Variants in RMDN3 observed in about 807,000 individuals in gnomAD.
The protein encoded by RMDN3 is regulator of microtubule dynamics 3.
In RMDN3, 41 loss-of-function variants were observed where a neutral mutation model predicts 61.8. The ratio of observed to expected loss-of-function variants is 0.66; its 90% CI spans 0.52 to 0.86. The LOEUF is 0.86. Among genes scored for constraint, RMDN3 ranks in the 40% least tolerant of loss-of-function variants. The pLI, the probability that RMDN3 is intolerant of heterozygous loss-of-function variation, is 0.00. For synonymous variants in RMDN3, 247 were observed against 232.0 expected (o/e 1.06, Z -0.59); for missense variants, 557 against 585.3 (o/e 0.95, Z 0.50).
At chr15:40,738,363 T>G (rs764399490) in intron 8 of RMDN3, 138 bp downstream of exon 8, 8 of 792,582 alleles carry the variant, frequency 1.0e-5, no homozygotes, top group South Asian at 1.7e-5. Flanking sequence ...GCTTGGGCGA[T>G]AGAGTGAGAC....
At chr15:40,737,923 G>C (rs757993967) in intron 9 of RMDN3, 42 bp downstream of exon 9, 2 of 1,599,978 alleles carry the variant, frequency 1.3e-6, no homozygotes, top group South Asian at 2.2e-5. Context: ...GGTGTCAGAA[G>C]GCATTTAGGA....
At chr15:40,754,991 C>A (rs1431828265) in intron 1 of RMDN3, 92 bp downstream of exon 1, 5 of 551,150 alleles carry the variant, frequency 9.1e-6, no homozygotes, top group Non-Finnish European at 1.6e-5. Flanking sequence ...GCCCCACTGC[C>A]TCTCTTCTCA....
chr15:40,754,968 T>A (rs1383702726), intron 1 of RMDN3, 115 bp downstream of exon 1: 7 of 582,242 alleles, frequency 1.2e-5, no homozygotes, highest in Admixed American at 6.4e-5. Context: ...TAAGGCTTCC[T>A]CCAGCCTCCT....
At chr15:40,753,539 AAAAGAAAAG>A (rs1215242598) in intron 2 of RMDN3, among the ~76,000 whole-genome samples, 107 of 152,230 alleles carry the variant, frequency 7.0e-4, no homozygotes, top group African/African-American at 2.5e-3. Context: ...AAGAAAAAAG[AAAAGAAAAG>A]AAAAAAAACA....
chr15:40,737,267 G>A (rs1205942612), intron 11 of RMDN3, 21 bp downstream of exon 11: 1 of 1,613,062 alleles, frequency 6.2e-7, no homozygotes, highest in Non-Finnish European at 8.5e-7. Flanking sequence ...GATCTATGTT[G>A]AAGTAGACAA....
At chr15:40,754,154 A>T (rs920803345) in intron 2 of RMDN3, among the ~76,000 whole-genome samples, 3 of 111,302 alleles carry the variant, frequency 2.7e-5, no homozygotes, top group Non-Finnish European at 5.3e-5. Context: ...TTTTTGAGAC[A>T]GAGTCCCACT....
chr15:40,740,054 C>T, intron 7 of RMDN3, 79 bp downstream of exon 7: 1 of 932,292 alleles, frequency 1.1e-6, no homozygotes. Context: ...GCCTCTGTGG[C>T]CCAGGCAGAG....
chr15:40,751,903 G>C (rs1258113977), intron 3 of RMDN3, 83 bp downstream of exon 3: 2 of 1,422,626 alleles, frequency 1.4e-6, no homozygotes, highest in Non-Finnish European at 1.9e-6. Flanking sequence ...ATTCTTTAGA[G>C]ACAGACAGCG....
chr15:40,737,019 A>G (rs1039312954), intron 12 of RMDN3, 105 bp downstream of exon 12: 4 of 934,832 alleles, frequency 4.3e-6, no homozygotes, highest in African/African-American at 1.6e-5. Flanking sequence ...AGGCCCAACT[A>G]ATTTTGTAAT....
At chr15:40,744,267 A>G (rs1436901407) in intron 5 of RMDN3, 118 bp from the exon 6 acceptor site, 5 of 844,686 alleles carry the variant, frequency 5.9e-6, no homozygotes, top group East Asian at 5.3e-5. Flanking sequence ...ACAGTCATCA[A>G]TATCAGGCCA....
At chr15:40,754,035 T>C (rs139368017) in intron 2 of RMDN3, among the ~76,000 whole-genome samples, 12 of 152,174 alleles carry the variant, frequency 7.9e-5, no homozygotes, top group African/African-American at 2.2e-4. Flanking sequence ...CATAGCACTA[T>C]TGTGGCCAGA....
In RMDN3 at chr15:40,736,565, TTCTTCCAGG is replaced by T; in HGVS notation, c.1380_1388del (p.Asp460_Glu462del). The T allele has an allele frequency of 6.2e-7, 1 of 1,614,096 alleles. No individual in the cohort carries two copies. On this transcript the variant is annotated inframe_deletion, in exon 13 of 13. Coordinates refer to ENST00000338376, the MANE Select transcript of RMDN3 (RefSeq NM_018145.3). The stretch of plus-strand genomic sequence containing the variant: ...GTTAGTCTCGTAAAATGACTTCCAG[TTCTTCCAGG>T]TCCTTCTGGATAGCCAAATCCTAGG...
intron 5 of RMDN3, among the ~76,000 whole-genome samples, chr15:40,744,567 T>C (rs1433638758): frequency 1.3e-5 from 2 of 151,682 alleles, no homozygotes; most frequent in Non-Finnish European, 2.9e-5. Context: ...AGAATTATGG[T>C]TGAGTGACCT....
At chr15:40,750,544 G>A (rs1596055723) in intron 4 of RMDN3, among the ~76,000 whole-genome samples, 1 of 151,768 alleles carries the variant, frequency 6.6e-6, no homozygotes, top group Admixed American at 6.6e-5. Context: ...TCAAGCTCCT[G>A]AACTCAAGCA....
chr15:40,747,015 T>C (rs1463069305), intron 4 of RMDN3, among the ~76,000 whole-genome samples: 2 of 152,086 alleles, frequency 1.3e-5, no homozygotes, highest in African/African-American at 4.8e-5. Flanking sequence ...ACCTGCCAGA[T>C]TGAGAAAAAT....
At position 40,754,591 on chromosome 15, in the gene RMDN3, T is replaced by TC; in HGVS notation, c.187+5dup. 6.2e-7 allele frequency: 1 copy of TC among 1,608,612 alleles called. No homozygotes were observed. Among genetic ancestry groups the TC allele is most frequent in the South Asian group, 1.1e-5 (1 of 90,482 alleles). On this transcript the variant is annotated splice_donor_region_variant and intron_variant, in intron 2 of 12. Transcript: ENST00000338376. ...GTGACCGCGGTCTCAGGAGACGGGC[T>TC]CCTACCGTGGCGTCCGGGATCTGAA...
intron 12 of RMDN3, 92 bp from the exon 13 acceptor site, chr15:40,736,686 T>C (rs915595419): frequency 1.8e-6 from 2 of 1,094,824 alleles, no homozygotes; most frequent in Non-Finnish European, 1.4e-6. Context: ...CTTTGCTTCC[T>C]TCCTGAGCTC....
chr15:40,751,567 C>G lies in RMDN3; in HGVS notation c.383G>C (p.Cys128Ser). ...CACTCTCTGGTTCTCTTCCATGTGG[C>G]ATCTGGAAAGCAGGCCCCATCCCGA... ...LAGEIVGEVR[C>S]HMEENQRVAR... is the part of the protein sequence containing the mutation. The change falls in exon 4 of 13, where the codon TGC becomes TCC. Residue 128 changes from cysteine to serine, a missense_variant and splice_region_variant. Physicochemically the swap from Cys to Ser is moderately radical, Grantham distance 112 (BLOSUM62 -1). Transcript: ENST00000338376. The G allele has an allele frequency of 5.0e-6, 8 of 1,614,208 alleles. No individual in the cohort carries two copies. The Admixed American group carries it at 1.0e-4, about 20-fold the overall frequency.
chr15:40,738,711 A>C (rs1382673427), intron 7 of RMDN3, 135 bp from the exon 8 acceptor site: 1 of 776,660 alleles, frequency 1.3e-6, no homozygotes, highest in Admixed American at 2.1e-5. Context: ...CCTAATTTTC[A>C]TCTGTACGTA....
Sources: allele counts gnomAD v4.1 joint callset (sites outside exome capture counted in the v4.1 genomes callset), GRCh38; gene constraint gnomAD v4.1.1; transcripts MANE v1.5; gene names NCBI Gene and HGNC (gene_info 2026-07-23, HGNC 2026-07-21).